Variants in OR1J2 observed in about 807,000 individuals in gnomAD.
The protein encoded by OR1J2 is olfactory receptor 1J2.
For missense variants in OR1J2, 304 were observed against 246.1 expected (o/e 1.24, Z -1.57); for synonymous variants, 142 against 99.7 (o/e 1.42, Z -2.52).
the OR1J2 span, among the ~76,000 whole-genome samples, chr9:122,534,057 G>A: frequency 2.1e-4 from 32 of 152,250 alleles, no homozygotes; most frequent in African/African-American, 6.3e-4. Flanking sequence ...ATGGGCTGCC[G>A]GTATTCCGTG....
the OR1J2 span, among the ~76,000 whole-genome samples, chr9:122,496,506 C>T: frequency 6.6e-6 from 1 of 152,138 alleles, no homozygotes; most frequent in Admixed American, 6.5e-5. Flanking sequence ...TCCCAAATAT[C>T]TGAGACGGTC....
At chr9:122,526,314 A>G in the OR1J2 span, 1 of 1,251,270 alleles carries the variant, frequency 8.0e-7, no homozygotes, top group Non-Finnish European at 1.1e-6. Context: ...CGTTTGTCTG[A>G]CTCCAAGCCT....
At chr9:122,515,113 C>A (rs1375174825), downstream of OR1J2, among the ~76,000 whole-genome samples, 1 of 152,106 alleles carries the variant, frequency 6.6e-6, no homozygotes, top group African/African-American at 2.4e-5. Flanking sequence ...GTGTCCTCTC[C>A]CTGGTGGGTA....
chr9:122,553,891 C>T, the OR1J2 span: 4 of 1,614,096 alleles, frequency 2.5e-6, no homozygotes, highest in East Asian at 8.9e-5. Context: ...ATTTTCTGGG[C>T]TGTGTTTGTC....
the OR1J2 span, chr9:122,568,628 G>A: frequency 3.5e-6 from 2 of 565,728 alleles, no homozygotes; most frequent in Non-Finnish European, 6.2e-6. Flanking sequence ...TTCACCTCAT[G>A]GTCCTTGATG....
At chr9:122,474,287 C>A in the OR1J2 span, among the ~76,000 whole-genome samples, 45 of 152,180 alleles carry the variant, frequency 3.0e-4, no homozygotes, top group Admixed American at 2.9e-3. Context: ...GCCTATGGAA[C>A]AGACAAAATT....
the OR1J2 span, among the ~76,000 whole-genome samples, chr9:122,448,753 C>G: frequency 1.3e-5 from 2 of 152,094 alleles, no homozygotes; most frequent in African/African-American, 2.4e-5. Context: ...TCCCTTAAAC[C>G]TTGATTCCAT....
upstream of OR1J2, among the ~76,000 whole-genome samples, chr9:122,506,142 A>G (rs1828520690): frequency 6.6e-6 from 1 of 152,152 alleles, no homozygotes; most frequent in Non-Finnish European, 1.5e-5. Flanking sequence ...GATTTCTTCT[A>G]TTTAAACATG....
At chr9:122,518,095 T>C in the OR1J2 span, among the ~76,000 whole-genome samples, 1 of 152,200 alleles carries the variant, frequency 6.6e-6, no homozygotes, top group Admixed American at 6.5e-5. Flanking sequence ...AGCAAAGACA[T>C]GGAATCAACT....
chr9:122,494,035 G>A, the OR1J2 span, among the ~76,000 whole-genome samples: 28 of 152,064 alleles, frequency 1.8e-4, no homozygotes, highest in Admixed American at 8.5e-4. Context: ...TTCCACTGTG[G>A]TCTGAGAGAG....
chr9:122,510,976 A>G lies in OR1J2; in HGVS notation c.175A>G (p.Met59Val). Residue 59 changes from methionine to valine, a missense_variant, in exon 1 of 1, where the codon ATG (methionine) becomes GTG (valine). Coordinates refer to ENST00000335302, the MANE Select transcript of OR1J2 (RefSeq NM_054107.1). ...GCTGGACTCTCACCTTCACACCCCC[A>G]TGTACTTCTTCCTCAGCCACTTGGC... is the stretch of plus-strand genomic sequence containing the variant. ...IQLDSHLHTP[M>V]YFFLSHLALT... is the part of the protein sequence containing the mutation. The G allele has an allele frequency of 1.2e-6, 2 of 1,611,758 alleles. No individual in the cohort carries two copies. Among genetic ancestry groups the G allele is most frequent in the South Asian group, 1.1e-5 (1 of 90,998 alleles).
the OR1J2 span, chr9:122,520,201 C>T: frequency 1.6e-5 from 10 of 630,604 alleles, no homozygotes; most frequent in Non-Finnish European, 2.1e-5. Context: ...GAATTGCATC[C>T]TGTTACAGTT....
At chr9:122,496,708 C>G in the OR1J2 span, among the ~76,000 whole-genome samples, 1 of 152,016 alleles carries the variant, frequency 6.6e-6, no homozygotes, top group Non-Finnish European at 1.5e-5. Context: ...TGGGACAACT[C>G]AAAGCAGGGA....
At chr9:122,512,569 A>G (rs1432393487), downstream of OR1J2, among the ~76,000 whole-genome samples, 2 of 152,202 alleles carry the variant, frequency 1.3e-5, no homozygotes, top group African/African-American at 4.8e-5. Context: ...AAGTTATTTC[A>G]GTAATAGAGA....
At chr9:122,527,671 C>A in the OR1J2 span, among the ~76,000 whole-genome samples, 1 of 152,184 alleles carries the variant, frequency 6.6e-6, no homozygotes, top group Non-Finnish European at 1.5e-5. Flanking sequence ...AAAACCCACA[C>A]AAAATTCTTA....
At chr9:122,549,739 T>TG in the OR1J2 span, among the ~76,000 whole-genome samples, 24 of 152,324 alleles carry the variant, frequency 1.6e-4, 1 homozygote, top group South Asian at 3.7e-3. Flanking sequence ...TTTATACTAG[T>TG]ACCATGTTGT....
At chr9:122,578,915 A>C in the OR1J2 span, among the ~76,000 whole-genome samples, 1 of 152,092 alleles carries the variant, frequency 6.6e-6, no homozygotes, top group Admixed American at 6.6e-5. Context: ...ACATGTAACC[A>C]AACACCACCT....
the OR1J2 span, among the ~76,000 whole-genome samples, chr9:122,499,638 T>C: frequency 6.6e-6 from 1 of 152,154 alleles, no homozygotes; most frequent in Non-Finnish European, 1.5e-5. Context: ...ACAGGAAGAA[T>C]AGGGTGGGTC....
At chr9:122,522,895 G>T in the OR1J2 span, among the ~76,000 whole-genome samples, 1 of 152,170 alleles carries the variant, frequency 6.6e-6, no homozygotes, top group African/African-American at 2.4e-5. Context: ...ACGAATAGTT[G>T]TGCTTATTTT....
Sources: allele counts gnomAD v4.1 joint callset (sites outside exome capture counted in the v4.1 genomes callset), GRCh38; gene constraint gnomAD v4.1.1; transcripts MANE v1.5; gene names NCBI Gene and HGNC (gene_info 2026-07-23, HGNC 2026-07-21).